LUZP2: variants seen among roughly 807,000 people sequenced by gnomAD.
LUZP2 encodes the protein leucine zipper protein 2.
Under a neutral mutation model 51.6 loss-of-function variants are expected in LUZP2, and 52 were observed. The ratio of observed to expected loss-of-function variants is 1.01; its 90% confidence interval spans 0.81 to 1.27. LUZP2 has a LOEUF of 1.27. Ranked by LOEUF, LUZP2 falls within the 50% of genes most tolerant of loss-of-function variation. The pLI, the probability that LUZP2 is intolerant of heterozygous loss-of-function variation, is 0.00. For synonymous variants in LUZP2, 154 were observed against 137.3 expected (o/e 1.12, Z -0.85); for missense variants, 436 against 395.4 (o/e 1.10, Z -0.87).
intron 5 of LUZP2, among the ~76,000 whole-genome samples, chr11:24,848,083 A>G (rs1166746641): frequency 2.0e-5 from 3 of 152,082 alleles, no homozygotes; most frequent in Non-Finnish European, 2.9e-5. Flanking sequence ...CAGAGTGCTC[A>G]TTGCTACTGG....
chr11:24,589,668 A>G (rs1853192435), intron 1 of LUZP2, among the ~76,000 whole-genome samples: 1 of 152,162 alleles, frequency 6.6e-6, no homozygotes, highest in African/African-American at 2.4e-5. Flanking sequence ...ATTTTCTTCA[A>G]ACCATGTGCA....
At chr11:24,618,156 C>A (rs528304535) in intron 1 of LUZP2, among the ~76,000 whole-genome samples, 2 of 152,214 alleles carry the variant, frequency 1.3e-5, no homozygotes, top group East Asian at 3.9e-4. Flanking sequence ...GGAATGTAGC[C>A]TTTTAACCTC....
chr11:25,038,253 C>A (rs891772529), intron 9 of LUZP2, among the ~76,000 whole-genome samples: 2 of 151,874 alleles, frequency 1.3e-5, no homozygotes, highest in African/African-American at 4.8e-5. Context: ...TTTGAAGAAC[C>A]ATTAGTAGAG....
chr11:24,891,026 A>G (rs1852838091), intron 5 of LUZP2: 4 of 982,416 alleles, frequency 4.1e-6, no homozygotes, highest in African/African-American at 1.8e-5. Flanking sequence ...ACGTTTATTC[A>G]TGGAAGGAAC....
chr11:24,735,790 T>C (rs537220893), intron 3 of LUZP2, among the ~76,000 whole-genome samples: 1 of 152,048 alleles, frequency 6.6e-6, no homozygotes, highest in Non-Finnish European at 1.5e-5. Context: ...TTTTTAGAAT[T>C]AAAGTTTCAG....
intron 9 of LUZP2, among the ~76,000 whole-genome samples, chr11:25,017,169 A>G (rs1214523431): frequency 1.3e-5 from 2 of 152,158 alleles, no homozygotes; most frequent in Non-Finnish European, 2.9e-5. Context: ...GATTCTGGAT[A>G]TTAGTCCTAT....
At chr11:24,971,158 C>T (rs12284978) in intron 7 of LUZP2, among the ~76,000 whole-genome samples, 12,752 of 152,082 alleles carry the variant, frequency 0.084, 1,768 homozygotes, top group African/African-American at 0.28. Context: ...CAATTATCCT[C>T]AACCTTTGTG....
chr11:24,821,312 C>T (rs1438977070), intron 5 of LUZP2, among the ~76,000 whole-genome samples: 1 of 152,068 alleles, frequency 6.6e-6, no homozygotes, highest in African/African-American at 2.4e-5. Flanking sequence ...AGTGCATATT[C>T]AATTACTACT....
intron 1 of LUZP2, among the ~76,000 whole-genome samples, chr11:24,676,857 G>T (rs113694209): frequency 6.6e-6 from 1 of 151,752 alleles, no homozygotes; most frequent in Non-Finnish European, 1.5e-5. Context: ...AGTAGAGACG[G>T]GGTTTCTCCA....
chr11:24,602,159 T>TAC (rs1491138384), intron 1 of LUZP2, among the ~76,000 whole-genome samples: 95 of 122,126 alleles, frequency 7.8e-4, no homozygotes, highest in African/African-American at 3.0e-3. Flanking sequence ...TGTATATATG[T>TAC]ATATATGTGT....
intron 1 of LUZP2, among the ~76,000 whole-genome samples, chr11:24,615,427 ACCTTTTATTTTAT>A (rs1854254868): frequency 1.3e-5 from 2 of 152,102 alleles, no homozygotes; most frequent in Admixed American, 1.3e-4. Flanking sequence ...TTTGAATTTG[ACCTTTTATTTTAT>A]CCAGTGTAAT....
chr11:24,761,782 A>T (rs532916432), intron 4 of LUZP2, among the ~76,000 whole-genome samples: 1 of 152,332 alleles, frequency 6.6e-6, no homozygotes, highest in African/African-American at 2.4e-5. Context: ...ACATAAAATA[A>T]ATACAAATAA....
At chr11:24,993,869 G>T (rs983386361) in intron 9 of LUZP2, among the ~76,000 whole-genome samples, 1 of 151,464 alleles carries the variant, frequency 6.6e-6, no homozygotes, top group Non-Finnish European at 1.5e-5. Flanking sequence ...TTTTTTGGGG[G>T]GGGTGTGGGG....
chr11:25,078,505 A>G, intron 11 of LUZP2, 49 bp from the exon 12 acceptor site: 1 of 1,445,796 alleles, frequency 6.9e-7, no homozygotes, highest in South Asian at 1.2e-5. Flanking sequence ...TTTACCTTAA[A>G]ATGTGTTATT....
chr11:25,028,469 A>G (rs1857559658), intron 9 of LUZP2, among the ~76,000 whole-genome samples: 1 of 152,178 alleles, frequency 6.6e-6, no homozygotes, highest in South Asian at 2.1e-4. Flanking sequence ...GCCATAAAAA[A>G]GAATGAGATT....
At chr11:24,833,169 G>C (rs1215529702) in intron 5 of LUZP2, among the ~76,000 whole-genome samples, 6 of 152,118 alleles carry the variant, frequency 3.9e-5, no homozygotes, top group Admixed American at 6.5e-5. Context: ...ACAAATTATA[G>C]TTCCTTAAAA....
At chr11:24,743,525 G>A (rs1825729) in intron 4 of LUZP2, among the ~76,000 whole-genome samples, 35,674 of 151,902 alleles carry the variant, frequency 0.23, 5,355 homozygotes, top group East Asian at 0.54. Context: ...CTACAGATTT[G>A]TGTACAGTAA....
intron 7 of LUZP2, among the ~76,000 whole-genome samples, chr11:24,955,599 T>C (rs1028985257): frequency 3.3e-5 from 5 of 152,042 alleles, no homozygotes; most frequent in Non-Finnish European, 5.9e-5. Flanking sequence ...AACACACACT[T>C]GTGATGTGAC....
At chr11:24,724,947 A>C (rs532572845) in intron 1 of LUZP2, among the ~76,000 whole-genome samples, 30 of 152,214 alleles carry the variant, frequency 2.0e-4, no homozygotes, top group Non-Finnish European at 4.1e-4. Context: ...GAGTAAATGT[A>C]AAGAATTTCC....
Sources: allele counts gnomAD v4.1 joint callset (sites outside exome capture counted in the v4.1 genomes callset), GRCh38; gene constraint gnomAD v4.1.1; transcripts MANE v1.5; gene names NCBI Gene and HGNC (gene_info 2026-07-23, HGNC 2026-07-21).